PCDH15: variants seen among roughly 807,000 people sequenced by gnomAD.
PCDH15 encodes the protein protocadherin-15.
Under a neutral mutation model 178.5 loss-of-function variants are expected in PCDH15, and 129 were observed. That is an observed-to-expected ratio of 0.72 (90% confidence interval 0.63 to 0.84). PCDH15 has a LOEUF of 0.84. PCDH15 is among the 40% of genes least tolerant of loss of function. PCDH15 has a pLI of 0.00. For missense variants in PCDH15, 2,230 were observed against 2,099.9 expected, an observed-to-expected ratio of 1.06 and a Z score of -1.21; for synonymous variants, 800 against 732.0, an observed-to-expected ratio of 1.09 and a Z score of -1.50.
chr10:55,087,165 G>A (rs1842193053), intron 2 of PCDH15, among the ~76,000 whole-genome samples: 1 of 152,094 alleles, frequency 6.6e-6, no homozygotes. Flanking sequence ...TTTATATGGT[G>A]TGGAGAGACT....
chr10:53,825,203 G>GTTAAT (rs1407591052), intron 32 of PCDH15: 1 of 1,498,180 alleles, frequency 6.7e-7, no homozygotes. Context: ...TTTTACTAGA[G>GTTAAT]TTAATTTAAA....
intron 26 of PCDH15, among the ~76,000 whole-genome samples, chr10:53,883,819 G>T (rs963863061): frequency 6.6e-6 from 1 of 152,094 alleles, no homozygotes; most frequent in African/African-American, 2.4e-5. Flanking sequence ...AGGTTCAAGC[G>T]ATTCTCCTGC....
At chr10:54,781,695 T>G (rs1423773272) in intron 1 of PCDH15, among the ~76,000 whole-genome samples, 1 of 152,190 alleles carries the variant, frequency 6.6e-6, no homozygotes, top group Non-Finnish European at 1.5e-5. Context: ...TGTAAGATAT[T>G]AGTTCTCTAA....
At chr10:54,390,284 TTTTG>T (rs869098996) in intron 3 of PCDH15, among the ~76,000 whole-genome samples, 1 of 6,342 alleles carries the variant, frequency 1.6e-4, no homozygotes, top group East Asian at 0.5. Context: ...GACCTATACC[TTTTG>T]TTTTGTTTTG....
chr10:53,820,253 A>G, intron 32 of PCDH15, 23 bp from the exon 33 acceptor site: 1 of 397,666 alleles, frequency 2.5e-6, no homozygotes, highest in Non-Finnish European at 4.4e-6. Context: ...AGTGAAAGAA[A>G]GAAAAAAATC....
intron 3 of PCDH15, among the ~76,000 whole-genome samples, chr10:54,489,013 C>T (rs888281845): frequency 6.6e-6 from 1 of 151,810 alleles, no homozygotes; most frequent in East Asian, 1.9e-4. Context: ...CTGATTTTAA[C>T]AATATATAAT....
rs58475159 is a variant in PCDH15 at position 54,562,681 on chromosome 10, A to G, written c.92-34804T>C. 8.4e-3 allele frequency among the ~76,000 whole-genome samples: 1,279 copies of G among 152,308 alleles called. 20 individuals carry two copies. Among genetic ancestry groups the G allele is most frequent in the African/African-American group, 0.03 (1,228 of 41,574 alleles). ...TAGCACATGCTTCATATATATGTACATATATGAAATCTCACTCTCAGTCTC... is the reference window on the plus strand; with the variant it reads ...TAGCACATGCTTCATATATATGTACGTATATGAAATCTCACTCTCAGTCTC... On this transcript the variant is annotated intron_variant, in intron 2 of 37. Coordinates refer to ENST00000644397, the MANE Select transcript of PCDH15 (RefSeq NM_001384140.1).
At chr10:55,344,741 G>C (rs1019646719) in intron 2 of PCDH15, among the ~76,000 whole-genome samples, 1 of 152,018 alleles carries the variant, frequency 6.6e-6, no homozygotes, top group African/African-American at 2.4e-5. Flanking sequence ...TCAAGGAATA[G>C]GTCCACGCTT....
chr10:54,050,004 T>C (rs146301995), intron 18 of PCDH15, among the ~76,000 whole-genome samples: 233 of 152,252 alleles, frequency 1.5e-3, no homozygotes, highest in African/African-American at 5.3e-3. Flanking sequence ...TGTTCCTCAG[T>C]GGTATGGGCC....
chr10:55,602,914 A>G (rs1353787385), intron 2 of PCDH15, among the ~76,000 whole-genome samples: 1 of 152,190 alleles, frequency 6.6e-6, no homozygotes, highest in Admixed American at 6.6e-5. Context: ...CTGAGAGAAG[A>G]AGGCTTCAGA....
rs115671062 is a variant in PCDH15, at chr10:54,283,798, G to A, written c.876+33473C>T. Among the ~76,000 whole-genome samples, 644 of 152,142 alleles carry A rather than the reference G, an allele frequency of 4.2e-3. 8 individuals carry two copies. Among genetic ancestry groups the A allele is most frequent in the African/African-American group, 0.013 (532 of 41,520 alleles). ...CCAGGAGAGCTGGAAGGATGCACAG[G>A]TTCAGTAAAAACATGCCAAAATTAA... On this transcript the variant is annotated intron_variant, in intron 8 of 37. Transcript: ENST00000644397.
chr10:54,775,882 T>A (rs1949645315), intron 1 of PCDH15, among the ~76,000 whole-genome samples: 1 of 152,134 alleles, frequency 6.6e-6, no homozygotes, highest in Non-Finnish European at 1.5e-5. Flanking sequence ...CAAGACTCCG[T>A]CTCAAACAAC....
In PCDH15 at chr10:54,765,984, TG is replaced by T. The variant is rs1252354276; in HGVS notation, c.-29+34940del. Reference sequence around the variant, plus strand: ...TTACACTAAATACTCCATGATCTGTTGTCTAAATGGTAACACCAAGAATCAT... The same window carrying T: ...TTACACTAAATACTCCATGATCTGTTTCTAAATGGTAACACCAAGAATCAT... On this transcript the variant is annotated intron_variant, in intron 1 of 37. Coordinates refer to ENST00000644397, the MANE Select transcript of PCDH15 (RefSeq NM_001384140.1). Among the ~76,000 whole-genome samples, 6 of 152,174 alleles carry T rather than the reference TG, an allele frequency of 3.9e-5. No homozygotes were observed. In the East Asian group the frequency reaches 9.6e-4, roughly 24 times the overall value.
intron 1 of PCDH15, among the ~76,000 whole-genome samples, chr10:54,688,633 A>C (rs1436207367): frequency 6.6e-6 from 1 of 152,130 alleles, no homozygotes; most frequent in African/African-American, 2.4e-5. Flanking sequence ...CTTTCATCTC[A>C]GTTTGAAAAT....
rs186705816 is a variant in PCDH15, at chr10:53,876,060, T to C, written c.3502-9203A>G. ...GAAATAGAGTGAAAGTGTTTTAGAC[T>C]GTCTGGATAAAAATACTCAAATCTC... is the stretch of plus-strand genomic sequence containing the variant. On this transcript the variant is annotated intron_variant, in intron 26 of 37. Transcript: ENST00000644397. Among the ~76,000 whole-genome samples, 305 of 150,760 alleles carry C rather than the reference T, an allele frequency of 2.0e-3. 3 individuals are homozygous for C. The East Asian group carries it at 0.039, about 19-fold the overall frequency.
chr10:54,680,582 G>C (rs894912417), intron 1 of PCDH15, among the ~76,000 whole-genome samples: 2 of 152,108 alleles, frequency 1.3e-5, no homozygotes, highest in African/African-American at 4.8e-5. Flanking sequence ...ACCTTGAATT[G>C]TAATAATCCC....
At chr10:53,984,765 C>T (rs762027375) in intron 21 of PCDH15, among the ~76,000 whole-genome samples, 31 of 152,076 alleles carry the variant, frequency 2.0e-4, no homozygotes, top group Non-Finnish European at 4.3e-4. Flanking sequence ...TCTTTGCCAC[C>T]AATGGCAATC....
At chr10:55,067,200 T>A (rs910955403) in intron 2 of PCDH15, among the ~76,000 whole-genome samples, 4 of 152,026 alleles carry the variant, frequency 2.6e-5, no homozygotes, top group Admixed American at 6.6e-5. Flanking sequence ...TCTATCTAAC[T>A]GTATGACTGT....
intron 15 of PCDH15, among the ~76,000 whole-genome samples, chr10:54,104,743 A>C (rs1011054863): frequency 2.7e-5 from 4 of 150,352 alleles, no homozygotes; most frequent in African/African-American, 9.8e-5. Context: ...AGGCTGAGGC[A>C]GGAGAACGGC....
Sources: allele counts gnomAD v4.1 joint callset (sites outside exome capture counted in the v4.1 genomes callset), GRCh38; gene constraint gnomAD v4.1.1; transcripts MANE v1.5; gene names NCBI Gene and HGNC (gene_info 2026-07-23, HGNC 2026-07-21).